CFAP54: variants seen among roughly 807,000 people sequenced by gnomAD.
CFAP54 encodes cilia and flagella associated protein 54.
Under a neutral mutation model 370.4 loss-of-function variants are expected in CFAP54, and 290 were observed. The ratio of observed to expected loss-of-function variants is 0.78; its 90% CI spans 0.71 to 0.86. The LOEUF (loss-of-function observed/expected upper bound fraction) is 0.86. Among genes scored for constraint, CFAP54 ranks in the 40% least tolerant of loss-of-function variants. The pLI is 0.00. For missense variants in CFAP54, 3,399 were observed against 3,528.7 expected (o/e 0.96, Z 0.93); for synonymous variants, 1,206 against 1,236.5 (o/e 0.98, Z 0.52).
chr12:96,720,097 C>T (rs1957730796), intron 49 of CFAP54, among the ~76,000 whole-genome samples: 1 of 152,220 alleles, frequency 6.6e-6, no homozygotes, highest in Admixed American at 6.5e-5. Context: ...AGCAATGGCT[C>T]AGTATCCAGT....
intron 66 of CFAP54, among the ~76,000 whole-genome samples, chr12:96,833,778 GA>G (rs1211398056): frequency 6.6e-6 from 1 of 152,006 alleles, no homozygotes; most frequent in Non-Finnish European, 1.5e-5. Context: ...TAATAGTCAT[GA>G]AAATGCAAAT....
At chr12:96,726,092 G>C (rs1364193809) in intron 50 of CFAP54, among the ~76,000 whole-genome samples, 6 of 148,614 alleles carry the variant, frequency 4.0e-5, no homozygotes, top group African/African-American at 1.5e-4. Context: ...ATTTTATTGA[G>C]GATTTTTGCA....
chr12:96,567,505 T>C (rs1165445788), intron 19 of CFAP54, among the ~76,000 whole-genome samples: 4 of 152,164 alleles, frequency 2.6e-5, no homozygotes, highest in African/African-American at 9.7e-5. Context: ...AAGTGGTGTC[T>C]GGTCTTTGCT....
intron 63 of CFAP54, among the ~76,000 whole-genome samples, chr12:96,806,159 AAT>A (rs548500750): frequency 0.012 from 325 of 27,636 alleles, 2 homozygotes; most frequent in Admixed American, 0.017. Context: ...TCACTAGCCA[AAT>A]ATATATATAT....
At chr12:96,613,575 C>T (rs1316869079) in intron 26 of CFAP54, among the ~76,000 whole-genome samples, 1 of 151,978 alleles carries the variant, frequency 6.6e-6, no homozygotes, top group Non-Finnish European at 1.5e-5. Flanking sequence ...TCAATGAATC[C>T]AGGAGCTGGT....
At chr12:96,627,512 T>C (rs1181478833) in intron 30 of CFAP54, among the ~76,000 whole-genome samples, 1 of 152,232 alleles carries the variant, frequency 6.6e-6, no homozygotes. Context: ...TTTTCTTCAC[T>C]GGGCATTGAT....
At chr12:96,812,196 A>G (rs1275154001) in intron 64 of CFAP54, among the ~76,000 whole-genome samples, 1 of 152,210 alleles carries the variant, frequency 6.6e-6, no homozygotes, top group Non-Finnish European at 1.5e-5. Context: ...CAGAGAGCAC[A>G]AGGATGTTGT....
chr12:96,786,966 A>G (rs113155301), intron 62 of CFAP54, 68 bp downstream of exon 62: 47 of 1,152,384 alleles, frequency 4.1e-5, no homozygotes, highest in African/African-American at 4.0e-4. Context: ...TTTCAGAAGG[A>G]AACACATTAG....
intron 66 of CFAP54, among the ~76,000 whole-genome samples, chr12:96,835,391 G>T (rs1377399801): frequency 6.6e-6 from 1 of 152,060 alleles, no homozygotes; most frequent in South Asian, 2.1e-4. Flanking sequence ...GGTGGCCAAG[G>T]GTGGGCCCGG....
intron 36 of CFAP54, 100 bp from the exon 37 acceptor site, chr12:96,657,782 G>A: frequency 2.3e-6 from 2 of 868,820 alleles, no homozygotes; most frequent in Middle Eastern, 3.5e-4. Context: ...TTTCAGTTGA[G>A]TTCTTTTCCA....
chr12:96,825,260 T>C (rs910340015), intron 65 of CFAP54, among the ~76,000 whole-genome samples: 6 of 106,166 alleles, frequency 5.7e-5, no homozygotes, highest in African/African-American at 1.9e-4. Flanking sequence ...TTATATATTA[T>C]ATATAATATA....
chr12:96,555,000 CAGTT>C (rs1490365058), intron 17 of CFAP54, 198 bp downstream of exon 17: 3 of 418,718 alleles, frequency 7.2e-6, no homozygotes, highest in South Asian at 7.8e-5. Context: ...CATATTAAAT[CAGTT>C]AGTAAACTTC....
At chr12:96,851,918 GGAAA>G (rs1369548200) in intron 66 of CFAP54, among the ~76,000 whole-genome samples, 3 of 151,774 alleles carry the variant, frequency 2.0e-5, no homozygotes, top group South Asian at 2.1e-4. Flanking sequence ...TGTAAGTATG[GGAAA>G]GAAAGAAAGA....
At chr12:96,737,670 A>G (rs1957995377) in intron 50 of CFAP54, among the ~76,000 whole-genome samples, 1 of 151,838 alleles carries the variant, frequency 6.6e-6, no homozygotes, top group African/African-American at 2.4e-5. Context: ...CTGTATTTTT[A>G]GTAGAGACGG....
intron 60 of CFAP54, among the ~76,000 whole-genome samples, chr12:96,769,344 A>G (rs1565971927): frequency 2.6e-5 from 4 of 152,218 alleles, no homozygotes; most frequent in Admixed American, 1.3e-4. Flanking sequence ...AAAACTATAA[A>G]TGCCTGTCTT....
intron 5 of CFAP54, among the ~76,000 whole-genome samples, chr12:96,513,615 C>T (rs1955197859): frequency 1.3e-5 from 2 of 152,262 alleles, no homozygotes; most frequent in South Asian, 4.2e-4. Flanking sequence ...GTGGCACATG[C>T]CTGTAGTCCC....
chr12:96,599,822 G>T (rs760907223), intron 26 of CFAP54, among the ~76,000 whole-genome samples: 12 of 152,142 alleles, frequency 7.9e-5, no homozygotes, highest in Non-Finnish European at 1.2e-4. Flanking sequence ...AGAAGTGTCT[G>T]TTCATATCCT....
At chr12:96,566,327 C>T (rs563337812) in intron 19 of CFAP54, among the ~76,000 whole-genome samples, 2 of 152,216 alleles carry the variant, frequency 1.3e-5, no homozygotes, top group South Asian at 4.1e-4. Context: ...AGGGAGTTGA[C>T]TCCAAGTAAA....
At chr12:96,643,880 G>A (rs1956761639) in intron 32 of CFAP54, among the ~76,000 whole-genome samples, 1 of 152,136 alleles carries the variant, frequency 6.6e-6, no homozygotes, top group East Asian at 1.9e-4. Flanking sequence ...TCTAATCTCA[G>A]TAGCCTTTTG....
Sources: gnomAD v4.1 joint callset for allele counts (sites outside exome capture counted in the v4.1 genomes callset) on GRCh38, gnomAD v4.1.1 for gene constraint, MANE v1.5 for transcripts, NCBI Gene and HGNC (gene_info 2026-07-23, HGNC 2026-07-21) for gene names.